The following TRAPPC12 variants were observed in gnomAD, a reference collection of about 807,000 sequenced individuals.
The protein encoded by TRAPPC12 is trafficking protein particle complex subunit 12.
Under a neutral mutation model 69.2 loss-of-function variants are expected in TRAPPC12, and 61 were observed. The observed-to-expected ratio is 0.88, with a 90% confidence interval of 0.72 to 1.09. The LOEUF (loss-of-function observed/expected upper bound fraction) is 1.09, where lower values mean the gene tolerates loss of function less well. TRAPPC12 is among the 50% of genes least tolerant of loss of function. The probability of loss-of-function intolerance (pLI) is 0.00; values close to 1 mark genes in which losing one functional copy is unlikely to be tolerated. For synonymous variants in TRAPPC12, 469 were observed against 438.9 expected, an observed-to-expected ratio of 1.07 and a Z score of -0.86; for missense variants, 1,101 against 1,016.4, an observed-to-expected ratio of 1.08 and a Z score of -1.13.
At chr2:3,398,315 T>C (rs748427405) in intron 2 of TRAPPC12, among the ~76,000 whole-genome samples, 3 of 152,188 alleles carry the variant, frequency 2.0e-5, no homozygotes, top group Non-Finnish European at 4.4e-5. Context: ...CCATGTTGAC[T>C]CCCCACCAAT....
intron 3 of TRAPPC12, among the ~76,000 whole-genome samples, chr2:3,412,582 AGGTTTGAGGTT>A (rs1225449873): frequency 6.6e-6 from 1 of 152,128 alleles, no homozygotes; most frequent in African/African-American, 2.4e-5. Flanking sequence ...CAAAAAGATC[AGGTTTGAGGTT>A]GGTTTGAGGG....
chr2:3,385,306 C>G (rs533189357), intron 1 of TRAPPC12, among the ~76,000 whole-genome samples: 11 of 152,114 alleles, frequency 7.2e-5, no homozygotes, highest in African/African-American at 2.6e-4. Context: ...CTTTTTATTA[C>G]TTTGGTATTT....
intron 4 of TRAPPC12, among the ~76,000 whole-genome samples, chr2:3,422,673 C>T (rs974224170): frequency 6.6e-6 from 1 of 152,182 alleles, no homozygotes; most frequent in African/African-American, 2.4e-5. Context: ...TTCCAGCAGG[C>T]TCCTTCTCCT....
At chr2:3,380,929 G>A (rs1660179281) in intron 1 of TRAPPC12, among the ~76,000 whole-genome samples, 1 of 152,166 alleles carries the variant, frequency 6.6e-6, no homozygotes, top group Non-Finnish European at 1.5e-5. Context: ...ACTTGGTCGG[G>A]AAGCTAAGAC....
At position 3,388,262 on chromosome 2, in the gene TRAPPC12, G is replaced by T. The variant is rs369349178; in HGVS notation, c.639G>T (p.Thr213=). Residue 213 remains threonine, a synonymous_variant, in exon 2 of 12, where the codon ACG becomes ACT. Transcript: ENST00000324266. ...SPSLSTFFGD[T]AASHSLASDF... is the part of the protein sequence containing the mutation. The stretch of plus-strand genomic sequence containing the variant: ...GCCTCAGCACGTTCTTCGGAGACAC[G>T]GCCGCCAGCCACTCCTTGGCCTCGG... 1.9e-6 allele frequency: 3 copies of T among 1,608,164 alleles called. No individual in the cohort carries two copies. Among genetic ancestry groups the T allele is most frequent in the Non-Finnish European group, 2.5e-6 (3 of 1,177,690 alleles).
At chr2:3,423,885 G>A (rs1473793490) in intron 4 of TRAPPC12, among the ~76,000 whole-genome samples, 10 of 152,150 alleles carry the variant, frequency 6.6e-5, no homozygotes, top group Admixed American at 6.5e-4. Flanking sequence ...ACCCCTGAGA[G>A]CACACTGTGC....
chr2:3,419,876 G>A (rs1463642114), intron 3 of TRAPPC12, among the ~76,000 whole-genome samples: 1 of 152,186 alleles, frequency 6.6e-6, no homozygotes, highest in Non-Finnish European at 1.5e-5. Flanking sequence ...CAAGTGCCAC[G>A]GGACGTGCAG....
rs966365329 is a variant in TRAPPC12, at chr2:3,460,642, A to G, written c.1677+306A>G. On this transcript the variant is annotated intron_variant, in intron 8 of 11. Transcript: ENST00000324266. ...CCATTTTTCTCTGAACTCCATCCCC[A>G]GAAGGTGTCCTTTGTTCTCCCTATC... is the stretch of plus-strand genomic sequence containing the variant. 8.1e-5 allele frequency: 28 copies of G among 345,528 alleles called. No homozygotes were observed. The Admixed American group carries it at 9.2e-4, about 11-fold the overall frequency. 21.4% of individuals were successfully genotyped at this position (345,528 alleles called of 1,614,324 possible). A position where few individuals can be genotyped will look rare whatever the true frequency, so the allele number is the denominator to read the frequency against.
At chr2:3,411,223 G>T (rs1034313179) in intron 3 of TRAPPC12, among the ~76,000 whole-genome samples, 5 of 152,102 alleles carry the variant, frequency 3.3e-5, no homozygotes, top group African/African-American at 1.2e-4. Context: ...TTGTGAAAAT[G>T]CTGTATTATT....
chr2:3,468,121 G>C (rs1665903266), intron 9 of TRAPPC12: 1 of 152,152 alleles, frequency 6.6e-6, no homozygotes, highest in Non-Finnish European at 1.5e-5. Context: ...TTGATTTGCT[G>C]TTGCCCAAAC....
chr2:3,441,550 G>C (rs1354004894), intron 5 of TRAPPC12, among the ~76,000 whole-genome samples: 1 of 150,412 alleles, frequency 6.6e-6, no homozygotes, highest in Non-Finnish European at 1.5e-5. Context: ...ATATGTTTTT[G>C]GTTTGGTTGA....
chr2:3,384,437 T>G (rs1660401630), intron 1 of TRAPPC12, among the ~76,000 whole-genome samples: 1 of 152,240 alleles, frequency 6.6e-6, no homozygotes, highest in Admixed American at 6.5e-5. Flanking sequence ...AATTTGAGGT[T>G]TCCTTTAGGT....
At chr2:3,478,575 G>C (rs374465361) in intron 10 of TRAPPC12, 2 of 290,580 alleles carry the variant, frequency 6.9e-6, no homozygotes, top group African/African-American at 4.4e-5. Flanking sequence ...CGGAGGTTGC[G>C]GTGAGCCGAG....
chr2:3,407,695 G>C (rs368637510), intron 3 of TRAPPC12, among the ~76,000 whole-genome samples: 2 of 151,842 alleles, frequency 1.3e-5, no homozygotes, highest in Admixed American at 1.3e-4. Context: ...CCAGCTACCC[G>C]GGAGGCTGAG....
intron 2 of TRAPPC12, among the ~76,000 whole-genome samples, chr2:3,398,325 T>G (rs923313492): frequency 1.4e-4 from 22 of 152,200 alleles, no homozygotes; most frequent in Non-Finnish European, 3.1e-4. Flanking sequence ...TCCCCACCAA[T>G]GATGTGGTGT....
chr2:3,424,812 G>A, intron 5 of TRAPPC12, 149 bp downstream of exon 5: 1 of 885,696 alleles, frequency 1.1e-6, no homozygotes, highest in Non-Finnish European at 1.7e-6. Context: ...TTGACTTACA[G>A]AATGCTCCCA....
chr2:3,473,318 G>A (rs988070351), intron 9 of TRAPPC12, among the ~76,000 whole-genome samples: 40 of 152,310 alleles, frequency 2.6e-4, no homozygotes, highest in African/African-American at 9.1e-4. Context: ...GAAATAGATC[G>A]CATCTTTCTT....
intron 2 of TRAPPC12, among the ~76,000 whole-genome samples, chr2:3,392,404 G>A (rs901804219): frequency 7.9e-5 from 12 of 152,158 alleles, no homozygotes; most frequent in African/African-American, 2.9e-4. Flanking sequence ...GTGTCCTGTG[G>A]CTCAGTAGAG....
intron 5 of TRAPPC12, among the ~76,000 whole-genome samples, chr2:3,427,689 G>A (rs7561106): frequency 0.13 from 19,374 of 152,114 alleles, 1,344 homozygotes; most frequent in Middle Eastern, 0.28. Flanking sequence ...CCAGAAGTTC[G>A]AGACCAGCCT....
Sources: gnomAD v4.1 joint callset for allele counts (sites outside exome capture counted in the v4.1 genomes callset) on GRCh38, gnomAD v4.1.1 for gene constraint, MANE v1.5 for transcripts, NCBI Gene and HGNC (gene_info 2026-07-23, HGNC 2026-07-21) for gene names.